The following DICER1 variants were observed in gnomAD, a reference collection of about 807,000 sequenced individuals.
DICER1 encodes endoribonuclease Dicer.
In DICER1, 43 loss-of-function variants were observed where a neutral mutation model predicts 194.1. That is an observed-to-expected ratio of 0.22 (90% confidence interval 0.17 to 0.29). DICER1 has a LOEUF of 0.29. Ranked by LOEUF, DICER1 falls within the 10% of genes least tolerant of loss-of-function variation. The pLI is 1.00. For missense variants in DICER1, 1,608 were observed against 2,317.0 expected, an observed-to-expected ratio of 0.69 and a Z score of 6.28; for synonymous variants, 832 against 820.5, an observed-to-expected ratio of 1.01 and a Z score of -0.24.
At chr14:95,108,971 T>A (rs1255252466) in intron 14 of DICER1, among the ~76,000 whole-genome samples, 1 of 152,216 alleles carries the variant, frequency 6.6e-6, no homozygotes, top group East Asian at 1.9e-4. Flanking sequence ...ACTGTATAAT[T>A]CCTAGACTCT....
chr14:95,105,110 T>C lies in DICER1; in HGVS notation c.3230A>G (p.Asp1077Gly). Residue 1077 changes from aspartate to glycine, a missense_variant, in exon 20 of 27, where the codon GAT becomes GGT. Transcript: ENST00000343455. The surrounding 1 kb of genome is among the most constrained non-coding windows in gnomAD (Gnocchi z 4.9). The stretch of plus-strand genomic sequence containing the variant: ...AAGTGATCTGACTCCCACGCCAGCA[T>C]CGCTGGCAGTCTGGGCTCTTAGCTC... ...AEELRAQTAS[D>G]AGVGVRSLPA... 6.2e-7 allele frequency: 1 copy of C among 1,614,198 alleles called. No homozygotes were observed. Among genetic ancestry groups the C allele is most frequent in the Non-Finnish European group, 8.5e-7 (1 of 1,180,000 alleles).
rs1356801942 is a variant in DICER1, at chr14:95,105,206, GCTGGAATTGGATGTATAGCACAGAGTT to G, written c.3107_3133del (p.Glu1036_Pro1044del). On this transcript the variant is annotated inframe_deletion, in exon 20 of 27. Coordinates refer to ENST00000343455, the MANE Select transcript of DICER1 (RefSeq NM_177438.3). The surrounding 1 kb of genome is among the most constrained non-coding windows in gnomAD (Gnocchi z 4.9). ...ACAAACAGCTTTTCTCCACAGTGATGCTGGAATTGGATGTATAGCACAGAGTTCTGGAACCAGTATCTTCAAGTAAGG... is the reference window on the plus strand; with the variant it reads ...ACAAACAGCTTTTCTCCACAGTGATGCTGGAACCAGTATCTTCAAGTAAGG... The G allele has an allele frequency of 6.2e-7, 1 of 1,613,996 alleles. No individual in the cohort carries two copies. The highest frequency in any genetic ancestry group is 8.5e-7 in the Non-Finnish European group (1 of 1,179,990).
intron 1 of DICER1, among the ~76,000 whole-genome samples, chr14:95,140,203 G>A (rs1894739460): frequency 6.6e-6 from 1 of 152,142 alleles, no homozygotes; most frequent in Non-Finnish European, 1.5e-5. Context: ...AAACTAGTGA[G>A]GTTGTTTCAT....
In DICER1 at chr14:95,087,920, T is replaced by A. The variant is rs1889469352; in HGVS notation, c.*2578A>T. On this transcript the variant is annotated 3_prime_UTR_variant, in exon 27 of 27. Coordinates refer to ENST00000343455, the MANE Select transcript of DICER1 (RefSeq NM_177438.3). Reference sequence around the variant, plus strand: ...GGCTCTAAAGTGGGGCAACATAGAGTGATTTTTTTTTTCCTTAATTGACAG... The same window carrying A: ...GGCTCTAAAGTGGGGCAACATAGAGAGATTTTTTTTTTCCTTAATTGACAG... 4.3e-6 allele frequency: 1 copy of A among 232,920 alleles called. No individual in the cohort carries two copies. The allele number at this position is 232,920 out of a possible 1,614,324, so 14.4% of individuals were successfully genotyped here.
chr14:95,103,212 GAGCAGCTGTGCTTGGCCGGTGT>G (rs1159968225), intron 21 of DICER1, 112 bp downstream of exon 21: 1 of 979,560 alleles, frequency 1.0e-6, no homozygotes, highest in Non-Finnish European at 1.6e-6. Flanking sequence ...TAGAACAAGG[GAGCAGCTGTGCTTGGCCGGTGT>G]AGCAATTTCT....
intron 22 of DICER1, 85 bp from the exon 23 acceptor site, chr14:95,096,798 G>A (rs1890398152): frequency 6.9e-7 from 1 of 1,447,420 alleles, no homozygotes; most frequent in South Asian, 1.4e-5. Flanking sequence ...CAAGGGTTAT[G>A]GATAATTTCA....
intron 1 of DICER1, among the ~76,000 whole-genome samples, chr14:95,138,877 T>A (rs1200938150): frequency 6.8e-6 from 1 of 148,030 alleles, no homozygotes; most frequent in East Asian, 2.0e-4. Context: ...AGATGACACA[T>A]TAGTGGGTGC....
chr14:95,117,552 G>T, intron 9 of DICER1, 70 bp downstream of exon 9: 1 of 1,505,962 alleles, frequency 6.6e-7, no homozygotes, highest in South Asian at 1.1e-5. Context: ...AAAAAAGGGA[G>T]ACCCTATGGG....
chr14:95,114,947 G>A (rs1892306005), intron 11 of DICER1, among the ~76,000 whole-genome samples: 1 of 152,138 alleles, frequency 6.6e-6, no homozygotes, highest in Admixed American at 6.6e-5. Context: ...ACTAAAGAAT[G>A]GTTCCAGATT....
chr14:95,131,018 T>G (rs1032142707), intron 4 of DICER1, among the ~76,000 whole-genome samples: 5 of 152,108 alleles, frequency 3.3e-5, no homozygotes, highest in African/African-American at 1.2e-4. Flanking sequence ...CAATAAAAAT[T>G]AGTAATTTAT....
At chr14:95,127,476 TGAG>T (rs1893575703) in intron 6 of DICER1, among the ~76,000 whole-genome samples, 2 of 151,614 alleles carry the variant, frequency 1.3e-5, no homozygotes, top group African/African-American at 4.9e-5. Context: ...TGAAGTATCT[TGAG>T]GATGGGACCC....
intron 1 of DICER1, among the ~76,000 whole-genome samples, chr14:95,149,866 C>A (rs1895400038): frequency 6.6e-6 from 1 of 152,106 alleles, no homozygotes; most frequent in South Asian, 2.1e-4. Context: ...TTAAACAACC[C>A]AAATTATTTC....
At chr14:95,156,766 T>C (rs1895902316) in intron 1 of DICER1, among the ~76,000 whole-genome samples, 1 of 152,108 alleles carries the variant, frequency 6.6e-6, no homozygotes, top group Non-Finnish European at 1.5e-5. Context: ...AGAGCCCAGC[T>C]TCGTCCCCTC....
intron 22 of DICER1, 75 bp downstream of exon 22, chr14:95,099,705 C>A: frequency 6.5e-7 from 1 of 1,533,466 alleles, no homozygotes; most frequent in South Asian, 1.3e-5. Context: ...AATTATTTGG[C>A]TCACCGAAAA....
intron 14 of DICER1, among the ~76,000 whole-genome samples, chr14:95,109,768 T>C (rs1891787484): frequency 1.3e-5 from 2 of 152,184 alleles, no homozygotes; most frequent in Admixed American, 1.3e-4. Flanking sequence ...TAGGCTAACA[T>C]ACAGGCACAG....
intron 22 of DICER1, among the ~76,000 whole-genome samples, chr14:95,098,184 C>T (rs754980615): frequency 6.9e-4 from 105 of 152,306 alleles, no homozygotes; most frequent in Non-Finnish European, 7.8e-4. Context: ...GCTTCATCTA[C>T]AAAAGAGTGG....
At chr14:95,131,957 T>C (rs1893987790) in intron 3 of DICER1, among the ~76,000 whole-genome samples, 1 of 152,214 alleles carries the variant, frequency 6.6e-6, no homozygotes, top group Admixed American at 6.5e-5. Flanking sequence ...GTCTAACATG[T>C]ATTTAAAGCA....
chr14:95,102,656 C>T (rs1890984232), intron 21 of DICER1, among the ~76,000 whole-genome samples: 1 of 151,554 alleles, frequency 6.6e-6, no homozygotes, highest in African/African-American at 2.4e-5. Flanking sequence ...AGGTATTTGT[C>T]CAGGAGGCTC....
intron 1 of DICER1, among the ~76,000 whole-genome samples, chr14:95,155,246 C>A (rs745548448): frequency 6.6e-6 from 1 of 152,312 alleles, no homozygotes; most frequent in African/African-American, 2.4e-5. Flanking sequence ...CTCAATAACA[C>A]GTTTCCCTTA....
Sources: gnomAD v4.1 joint callset for allele counts (sites outside exome capture counted in the v4.1 genomes callset) on GRCh38, gnomAD v4.1.1 for gene constraint, Gnocchi (gnomAD v3.1) non-coding constraint, MANE v1.5 for transcripts, NCBI Gene and HGNC (gene_info 2026-07-23, HGNC 2026-07-21) for gene names.